GAK: variants seen among roughly 807,000 people sequenced by gnomAD.
GAK encodes cyclin-G-associated kinase.
GAK carries 79 observed loss-of-function variants against 143.9 expected under a neutral mutation model. The observed-to-expected ratio is 0.55, with a 90% CI of 0.46 to 0.66. The LOEUF is 0.66. GAK is among the 30% of genes least tolerant of loss of function. The probability of loss-of-function intolerance (pLI) is 0.00; values close to 1 mark genes in which losing one functional copy is unlikely to be tolerated. For synonymous variants in GAK, 881 were observed against 765.5 expected, an observed-to-expected ratio of 1.15 and a Z score of -2.49; for missense variants, 1,693 against 1,779.7, an observed-to-expected ratio of 0.95 and a Z score of 0.88.
At chr4:877,866 C>T (rs1164949836) in intron 15 of GAK, 57 bp from the exon 16 acceptor site, 3 of 1,448,634 alleles carry the variant, frequency 2.1e-6, no homozygotes, top group Non-Finnish European at 2.8e-6. Flanking sequence ...GACCACACAG[C>T]TGATTTTGTC....
At position 870,835 on chromosome 4, in the gene GAK, C is replaced by A; in HGVS notation, c.2124G>T (p.Glu708Asp). 1 of 1,614,010 alleles carries A rather than the reference C, an allele frequency of 6.2e-7. No homozygotes were observed. Among genetic ancestry groups the A allele is most frequent in the East Asian group, 2.2e-5 (1 of 44,898 alleles). The part of the protein sequence containing the change: ...PDLFQVNLEV[E>D]VEPRDRPSRE... ...GGCTCGGCCTGTCCCTGGGCTCCAC[C>A]TCCACTTCCAGGTTCACTTGAAATA... The change falls in exon 19 of 28, where the codon GAG becomes GAT. Residue 708 changes from glutamate to aspartate, a missense_variant. Coordinates refer to ENST00000314167, the MANE Select transcript of GAK (RefSeq NM_005255.4).
chr4:925,558 T>C (rs1038428104), intron 1 of GAK, among the ~76,000 whole-genome samples: 1 of 152,204 alleles, frequency 6.6e-6, no homozygotes, highest in Non-Finnish European at 1.5e-5. Context: ...TTCACAACAC[T>C]ACAGAATGAA....
At chr4:881,220 C>T (rs60492656) in intron 15 of GAK, among the ~76,000 whole-genome samples, 24,701 of 152,172 alleles carry the variant, frequency 0.16, 2,166 homozygotes, top group Middle Eastern at 0.31. Context: ...GCCACGGGGC[C>T]GGCCTTTGCT....
rs1722428426 is a variant in GAK at position 913,683 on chromosome 4, G to C, written c.146-15C>G. 1.1e-5 allele frequency: 17 copies of C among 1,602,982 alleles called. No homozygotes were observed. The highest frequency in any genetic ancestry group is 1.5e-5 in the Non-Finnish European group (17 of 1,169,946). ...TGCAAACCCTCCTGAAAATTAAAAAGACTTGTCAGTTCAATGCTATGATTT... is the reference window on the plus strand; with the variant it reads ...TGCAAACCCTCCTGAAAATTAAAAACACTTGTCAGTTCAATGCTATGATTT... On this transcript the variant is annotated splice_polypyrimidine_tract_variant and intron_variant, in intron 1 of 27. Coordinates refer to ENST00000314167, the MANE Select transcript of GAK (RefSeq NM_005255.4).
At chr4:925,629 G>A (rs932767791) in intron 1 of GAK, among the ~76,000 whole-genome samples, 2 of 152,194 alleles carry the variant, frequency 1.3e-5, no homozygotes, top group African/African-American at 2.4e-5. Context: ...GGTGTTAGGA[G>A]GTGGGGCCTC....
intron 24 of GAK, among the ~76,000 whole-genome samples, chr4:855,992 T>C (rs564649534): frequency 6.6e-6 from 1 of 152,246 alleles, no homozygotes; most frequent in African/African-American, 2.4e-5. Flanking sequence ...TGGCTGCAGG[T>C]TTCTGGAGAC....
At chr4:902,605 A>AAAAAAAAAAAAAAAAAC (rs1180561371) in intron 5 of GAK, among the ~76,000 whole-genome samples, 2 of 130,308 alleles carry the variant, frequency 1.5e-5, no homozygotes, top group Non-Finnish European at 3.3e-5. Flanking sequence ...TCAAAAAAAA[A>AAAAAAAAAAAAAAAAAC]AAAAAAAAAC....
Position 876,593 on chromosome 4 carries a change from A to G in GAK, c.1991T>C (p.Met664Thr), listed in dbSNP as rs745696615. Residue 664 changes from methionine (M) to threonine (T), a missense_variant, in exon 18 of 28, where the codon ATG (methionine) becomes ACG (threonine). By Grantham distance (81) the Met-to-Thr change is moderately conservative. Around this residue, in one of 2 missense-constraint regions of GAK, gnomAD observed 871 missense variants for 991.0 expected, o/e 0.88. Coordinates refer to ENST00000314167, the MANE Select transcript of GAK (RefSeq NM_005255.4). ...CCCCGTGTGGAACTGAATCTGGAAC[A>G]TCTTCATGGATGCCATCTGCAAAGA... ...RLQAKMASMK[M>T]FQIQFHTGFV... 2.5e-6 allele frequency: 4 copies of G among 1,614,164 alleles called. No homozygotes were observed. The South Asian group carries it at 3.3e-5, about 13-fold the overall frequency.
Position 868,545 on chromosome 4 carries a change from A to C in GAK, c.2389T>G (p.Trp797Gly), listed in dbSNP as rs1462700382. 6.2e-7 allele frequency: 1 copy of C among 1,606,916 alleles called. No individual in the cohort carries two copies. The highest frequency in any genetic ancestry group is 1.7e-5 in the Admixed American group (1 of 59,784). ...DASRFLHTLD[W>G]QEEKEAETGA... The stretch of plus-strand genomic sequence containing the variant: ...GTCCAGGGACGCTGCCTACCCTGCC[A>C]GTCCAGCGTGTGCAGGAAGCGACTG... Residue 797 changes from tryptophan (W) to glycine (G), a missense_variant, in exon 20 of 28, where the codon TGG (tryptophan) becomes GGG (glycine). Transcript: ENST00000314167.
Position 877,743 on chromosome 4 carries a change from C to T in GAK, c.1728G>A (p.Leu576=), listed in dbSNP as rs192890169. 10 of 1,613,370 alleles carry T rather than the reference C, an allele frequency of 6.2e-6. No individual in the cohort carries two copies. In the Admixed American group the frequency reaches 1.3e-4, roughly 22 times the overall value. The change falls in exon 16 of 28, where the codon CTG becomes CTA. Residue 576 remains leucine (L), a synonymous_variant. Transcript: ENST00000314167. ...CGGGTGTCATGACCACGGCCCTCAC[C>T]AGGATGGGCTTGCTGTGGGGTGTGA... ...EPITPHSKPI[L]VRAVVMTPVP... is the part of the protein sequence containing the mutation.
At chr4:869,453 A>G (rs1461400748) in intron 19 of GAK, 3 of 151,044 alleles carry the variant, frequency 2.0e-5, no homozygotes, top group Non-Finnish European at 4.4e-5. Flanking sequence ...ACAGGAATGC[A>G]CACACAGCAC....
At chr4:882,975 A>G (rs1715467284) in intron 13 of GAK, among the ~76,000 whole-genome samples, 156 bp from the exon 14 acceptor site, 1 of 152,218 alleles carries the variant, frequency 6.6e-6, no homozygotes, top group Non-Finnish European at 1.5e-5. Flanking sequence ...CAGGGCTGCC[A>G]CTGGCCTTGC....
Position 897,892 on chromosome 4 carries a change from T to G in GAK, c.651+141A>C, listed in dbSNP as rs545767677. ...TGAACCCAGGAGGCGGAGGTTGCAG[T>G]GAGCCGGGATTGCACCACTGCACTC... On this transcript the variant is annotated intron_variant, in intron 6 of 27. Transcript: ENST00000314167. 3.7e-5 allele frequency: 34 copies of G among 929,768 alleles called. No individual in the cohort carries two copies. In the African/African-American group the frequency reaches 5.2e-4, roughly 14 times the overall value. 57.6% of individuals were successfully genotyped at this position (929,768 alleles called of 1,614,324 possible). A position where few individuals can be genotyped will look rare whatever the true frequency, so the allele number is the denominator to read the frequency against.
At chr4:880,274 G>A (rs1714824479) in intron 15 of GAK, among the ~76,000 whole-genome samples, 1 of 151,074 alleles carries the variant, frequency 6.6e-6, no homozygotes, top group African/African-American at 2.4e-5. Context: ...GTGGATCACT[G>A]GACCACGCAC....
intron 5 of GAK, among the ~76,000 whole-genome samples, chr4:899,067 T>C (rs995467493): frequency 2.0e-5 from 3 of 151,994 alleles, no homozygotes; most frequent in Non-Finnish European, 4.4e-5. Context: ...AGCCCCACAG[T>C]GCTCACGCCC....
At chr4:913,833 C>T in intron 1 of GAK, 165 bp from the exon 2 acceptor site, 3 of 621,144 alleles carry the variant, frequency 4.8e-6, no homozygotes, top group East Asian at 5.8e-5. Flanking sequence ...AAACACAGCC[C>T]CAGCATACAT....
chr4:890,231 G>T (rs900360657), intron 10 of GAK, among the ~76,000 whole-genome samples: 2 of 152,170 alleles, frequency 1.3e-5, no homozygotes, highest in African/African-American at 4.8e-5. Flanking sequence ...GAGCGAGGCC[G>T]CCTGGTCACT....
chr4:888,923 T>C lies in GAK; in HGVS notation c.1129A>G (p.Ile377Val), dbSNP rs1382801949. The change falls in exon 11 of 28, where the codon ATT becomes GTT. Residue 377 changes from isoleucine to valine, a missense_variant. By Grantham distance (29) the Ile-to-Val change is conservative. Coordinates refer to ENST00000314167, the MANE Select transcript of GAK (RefSeq NM_005255.4). ...YDQPYGGFLD[I>V]LRGGTERLFT... ...AGCCGCTCTGTCCCACCCCGCAGAA[T>C]GTCCAGGAAGCCGCCATACGGCTGG... is the stretch of plus-strand genomic sequence containing the variant. 14 of 1,612,490 alleles carry C rather than the reference T, an allele frequency of 8.7e-6. 1 individual carries two copies. Among genetic ancestry groups the C allele is most frequent in the Middle Eastern group, 1.6e-4 (1 of 6,084 alleles).
intron 1 of GAK, among the ~76,000 whole-genome samples, chr4:929,573 G>C (rs1022421855): frequency 6.6e-6 from 1 of 152,080 alleles, no homozygotes; most frequent in African/African-American, 2.4e-5. Context: ...GTGAAGACTA[G>C]CTAGGTGCAG....
Sources: allele counts gnomAD v4.1 joint callset (sites outside exome capture counted in the v4.1 genomes callset), GRCh38; gene constraint gnomAD v4.1.1; regional missense constraint gnomAD v4.1.1; transcripts MANE v1.5; gene names NCBI Gene and HGNC (gene_info 2026-07-23, HGNC 2026-07-21).